Variants in PTPRT observed in about 807,000 individuals in gnomAD.
The protein encoded by PTPRT is protein tyrosine phosphatase receptor type T.
Under a neutral mutation model 176.8 loss-of-function variants are expected in PTPRT, and 56 were observed. The ratio of observed to expected loss-of-function variants is 0.32; its 90% CI spans 0.26 to 0.40. The LOEUF is 0.40. Among genes scored for constraint, PTPRT ranks in the 10% least tolerant of loss-of-function variants. The pLI is 1.00. For missense variants in PTPRT, 1,540 were observed against 1,908.2 expected (o/e 0.81, Z 3.60); for synonymous variants, 783 against 739.0 (o/e 1.06, Z -0.96).
chr20:42,049,684 G>A, the PTPRT span, among the ~76,000 whole-genome samples: 8 of 152,220 alleles, frequency 5.3e-5, no homozygotes, highest in Non-Finnish European at 1.0e-4. Flanking sequence ...CATGCAGTGA[G>A]CTTGTTGTGG....
intron 1 of PTPRT, among the ~76,000 whole-genome samples, chr20:42,998,079 G>A (rs937664959): frequency 6.6e-6 from 1 of 152,160 alleles, no homozygotes; most frequent in African/African-American, 2.4e-5. Flanking sequence ...AGTACCAAGA[G>A]TGTGAGATCG....
chr20:42,457,031 T>G (rs1259910500), intron 8 of PTPRT, among the ~76,000 whole-genome samples: 1 of 152,196 alleles, frequency 6.6e-6, no homozygotes, highest in Non-Finnish European at 1.5e-5. Context: ...TTTTAATTAA[T>G]AGTTTGCCAT....
At chr20:42,435,919 G>A (rs957872022) in intron 9 of PTPRT, among the ~76,000 whole-genome samples, 1 of 152,132 alleles carries the variant, frequency 6.6e-6, no homozygotes, top group African/African-American at 2.4e-5. Flanking sequence ...AGTGCATGGA[G>A]GCCAGTGGAA....
chr20:42,472,907 C>G (rs922666306), intron 7 of PTPRT, among the ~76,000 whole-genome samples: 1 of 152,228 alleles, frequency 6.6e-6, no homozygotes, highest in African/African-American at 2.4e-5. Flanking sequence ...ACAGCACACT[C>G]CTCGCTTCTG....
intron 12 of PTPRT, among the ~76,000 whole-genome samples, chr20:42,283,941 G>A (rs757057770): frequency 2.6e-5 from 4 of 151,908 alleles, no homozygotes; most frequent in African/African-American, 7.2e-5. Context: ...CATAGTTATC[G>A]CCAATAGTCT....
chr20:42,429,616 A>G (rs1051925677), intron 9 of PTPRT, among the ~76,000 whole-genome samples: 8 of 152,208 alleles, frequency 5.3e-5, no homozygotes, highest in African/African-American at 1.7e-4. Context: ...TGGAGGGAAG[A>G]CATGAAGGAA....
At chr20:43,167,715 A>C (rs2014891436) in intron 1 of PTPRT, among the ~76,000 whole-genome samples, 3 of 152,204 alleles carry the variant, frequency 2.0e-5, no homozygotes, top group Non-Finnish European at 4.4e-5. Context: ...GCAAGCCCAC[A>C]TATGTTAGAA....
rs536692698 is a variant in PTPRT, at chr20:43,005,844, A to G, written c.89-119912T>C. Among the ~76,000 whole-genome samples, 4 of 152,372 alleles carry G rather than the reference A, an allele frequency of 2.6e-5. No individual in the cohort carries two copies. In the East Asian group the frequency reaches 7.7e-4, roughly 29 times the overall value. On this transcript the variant is annotated intron_variant, in intron 1 of 30. Transcript: ENST00000373187. Reference sequence around the variant, plus strand: ...CCTCAATCCTCAGAAAATAATCACAAGAAGTACACAAAGATTAATATCCAA... The same window carrying G: ...CCTCAATCCTCAGAAAATAATCACAGGAAGTACACAAAGATTAATATCCAA...
At chr20:42,684,932 C>T (rs562251096) in intron 6 of PTPRT, among the ~76,000 whole-genome samples, 2 of 152,272 alleles carry the variant, frequency 1.3e-5, no homozygotes, top group South Asian at 4.2e-4. Context: ...CTTTCAGACA[C>T]CTCTGACTGC....
chr20:43,060,816 G>A (rs1441333137), intron 1 of PTPRT, among the ~76,000 whole-genome samples: 1 of 152,148 alleles, frequency 6.6e-6, no homozygotes, highest in South Asian at 2.1e-4. Flanking sequence ...TGCCTAGTAA[G>A]AATTAGACTT....
chr20:42,519,940 A>G (rs1004418527), intron 7 of PTPRT, among the ~76,000 whole-genome samples: 2 of 152,132 alleles, frequency 1.3e-5, no homozygotes, highest in African/African-American at 4.8e-5. Flanking sequence ...TATTTGGTAC[A>G]TACAAATTTA....
intron 7 of PTPRT, among the ~76,000 whole-genome samples, chr20:42,608,391 T>A (rs963015115): frequency 6.6e-6 from 1 of 152,166 alleles, no homozygotes. Flanking sequence ...GCTGCCTCTC[T>A]GTTGCAGAAT....
At chr20:42,916,197 G>A (rs983059725) in intron 1 of PTPRT, among the ~76,000 whole-genome samples, 1 of 137,230 alleles carries the variant, frequency 7.3e-6, no homozygotes, top group Non-Finnish European at 1.5e-5. Flanking sequence ...TCCCACCTAT[G>A]AGTGAGAACA....
At chr20:42,226,161 C>T (rs1335711965) in intron 15 of PTPRT, among the ~76,000 whole-genome samples, 1 of 152,186 alleles carries the variant, frequency 6.6e-6, no homozygotes, top group Non-Finnish European at 1.5e-5. Flanking sequence ...GCTGCAAGCT[C>T]CTTGAGAGGG....
At position 42,771,410 on chromosome 20, in the gene PTPRT, G is replaced by C. The variant is rs182182846; in HGVS notation, c.684+25C>G. 5.3e-4 allele frequency: 840 copies of C among 1,576,978 alleles called. 3 individuals are homozygous for C. In the African/African-American group the frequency reaches 0.011, roughly 20 times the overall value. ...TTCCCTTTCTCATCCTAACGAGTCT[G>C]AGCAGAGGCTTCTCTCATGCTTACC... On this transcript the variant is annotated intron_variant, in intron 5 of 30. Coordinates refer to ENST00000373187, the MANE Select transcript of PTPRT (RefSeq NM_007050.6).
chr20:42,647,892 G>T (rs1028220672), intron 7 of PTPRT, among the ~76,000 whole-genome samples: 5 of 152,140 alleles, frequency 3.3e-5, no homozygotes, highest in Non-Finnish European at 5.9e-5. Context: ...AGCAGTCAGG[G>T]TTAAGAGAAA....
the PTPRT span, among the ~76,000 whole-genome samples, chr20:42,048,936 C>T: frequency 6.6e-6 from 1 of 152,218 alleles, no homozygotes; most frequent in African/African-American, 2.4e-5. Context: ...ATTCTCCTGC[C>T]TCAGCCTCCC....
At chr20:42,839,322 T>TA (rs998569818) in intron 2 of PTPRT, among the ~76,000 whole-genome samples, 1 of 151,824 alleles carries the variant, frequency 6.6e-6, no homozygotes, top group African/African-American at 2.4e-5. Context: ...TTTTTTTTTT[T>TA]TAAAGCGCCC....
chr20:43,067,016 G>A (rs1236459531), intron 1 of PTPRT, among the ~76,000 whole-genome samples: 3 of 152,120 alleles, frequency 2.0e-5, no homozygotes, highest in African/African-American at 7.2e-5. Context: ...CAGGAATAAA[G>A]AACCAGTTTT....
Sources: allele counts gnomAD v4.1 joint callset (sites outside exome capture counted in the v4.1 genomes callset), GRCh38; gene constraint gnomAD v4.1.1; transcripts MANE v1.5; gene names NCBI Gene and HGNC (gene_info 2026-07-23, HGNC 2026-07-21).